THAP4: variants seen among roughly 807,000 people sequenced by gnomAD.
The protein encoded by THAP4 is THAP domain containing 4.
A neutral mutation model predicts 48.1 loss-of-function variants in THAP4; 18 were observed. The ratio of observed to expected loss-of-function variants is 0.37; its 90% CI spans 0.26 to 0.56. THAP4 has a LOEUF of 0.56. Among genes scored for constraint, THAP4 ranks in the 20% least tolerant of loss-of-function variants. The pLI is 0.78. For missense variants in THAP4, 656 were observed against 774.9 expected, an observed-to-expected ratio of 0.85 and a Z score of 1.82; for synonymous variants, 345 against 324.9, an observed-to-expected ratio of 1.06 and a Z score of -0.66.
rs986642356 is a variant in THAP4 at position 241,634,631 on chromosome 2, C to T, written c.78-552G>A. Among the ~76,000 whole-genome samples, 4 of 152,254 alleles carry T rather than the reference C, an allele frequency of 2.6e-5. No individual in the cohort carries two copies. In the East Asian group the frequency reaches 7.7e-4, roughly 29 times the overall value. ...TTCTGTGTTCCTGTTGCATGCCCAC[C>T]TCCAGGAGTAAAAATGCTCCTTTTA... On this transcript the variant is annotated intron_variant, in intron 1 of 5. Transcript: ENST00000407315.
chr2:241,620,067 T>A (rs1402586651), intron 2 of THAP4, among the ~76,000 whole-genome samples: 1 of 36,126 alleles, frequency 2.8e-5, no homozygotes, highest in Non-Finnish European at 5.1e-5. Context: ...GAGTGAGGGG[T>A]GAGTGAGTCG....
In THAP4 at chr2:241,612,912, C is replaced by T. The variant is rs183169715; in HGVS notation, c.1241-6439G>A. 5.3e-5 allele frequency among the ~76,000 whole-genome samples: 8 copies of T among 152,316 alleles called. No homozygotes were observed. The East Asian group carries it at 1.5e-3, about 29-fold the overall frequency. The stretch of plus-strand genomic sequence containing the variant: ...ACGTGCAGTGAGTGCGAGCTACAAA[C>T]TAGATTCCGAAAACTCAGTCCAAAA... On this transcript the variant is annotated intron_variant, in intron 2 of 5. Transcript: ENST00000407315. This position sits in a 1 kb window ranked among gnomAD's most constrained non-coding sequence, Gnocchi z 4.1.
chr2:241,631,893 C>A, intron 2 of THAP4, among the ~76,000 whole-genome samples: 1 of 141,590 alleles, frequency 7.1e-6, no homozygotes, highest in South Asian at 2.3e-4. Flanking sequence ...TATTGTATTT[C>A]TTTTTTTTTT....
intron 5 of THAP4, among the ~76,000 whole-genome samples, chr2:241,585,903 A>T (rs1254563532): frequency 7.5e-6 from 1 of 133,388 alleles, no homozygotes; most frequent in Non-Finnish European, 1.6e-5. Flanking sequence ...ACAGAGCAAG[A>T]CTCCTTCTCA....
intron 5 of THAP4, among the ~76,000 whole-genome samples, chr2:241,595,972 G>A (rs2067041779): frequency 6.6e-6 from 1 of 152,182 alleles, no homozygotes; most frequent in Non-Finnish European, 1.5e-5. Context: ...CGCGTCCCGT[G>A]GGCTGCACGT....
At chr2:241,609,515 G>A (rs1006230346) in intron 2 of THAP4, among the ~76,000 whole-genome samples, 1 of 152,230 alleles carries the variant, frequency 6.6e-6, no homozygotes, top group African/African-American at 2.4e-5. Context: ...CGGGCGCAAT[G>A]GCTCACTGAA....
At chr2:241,614,428 T>C (rs2067313808) in intron 2 of THAP4, among the ~76,000 whole-genome samples, 1 of 152,156 alleles carries the variant, frequency 6.6e-6, no homozygotes, top group Non-Finnish European at 1.5e-5. Context: ...GCAACATCTA[T>C]AAAGCAGAAA....
At chr2:241,585,899 C>G (rs1044972546) in intron 5 of THAP4, among the ~76,000 whole-genome samples, 1 of 82,842 alleles carries the variant, frequency 1.2e-5, no homozygotes, top group African/African-American at 4.8e-5. Flanking sequence ...GGTGACAGAG[C>G]AAGACTCCTT....
At chr2:241,606,147 T>G (rs1221117114) in intron 3 of THAP4, among the ~76,000 whole-genome samples, 167 bp downstream of exon 3, 1 of 152,252 alleles carries the variant, frequency 6.6e-6, no homozygotes, top group Non-Finnish European at 1.5e-5. Context: ...TTTACCACTC[T>G]GTGTCTCAGT....
At chr2:241,589,058 A>G (rs907054272) in intron 5 of THAP4, among the ~76,000 whole-genome samples, 1 of 152,064 alleles carries the variant, frequency 6.6e-6, no homozygotes, top group Non-Finnish European at 1.5e-5. Flanking sequence ...CTAAAAATAC[A>G]AAAAATTAGC....
chr2:241,623,451 G>C (rs34396739), intron 2 of THAP4, among the ~76,000 whole-genome samples: 22,289 of 151,796 alleles, frequency 0.15, 1,749 homozygotes, highest in East Asian at 0.16. Context: ...ATGGTGGCAC[G>C]CATCTGTAGT....
At position 241,604,689 on chromosome 2, in the gene THAP4, C is replaced by T. The variant is rs1283275699; in HGVS notation, c.1401-1610G>A. Among the ~76,000 whole-genome samples, 6 of 152,218 alleles carry T rather than the reference C, an allele frequency of 3.9e-5. No homozygotes were observed. The South Asian group carries it at 8.3e-4, about 21-fold the overall frequency. ...CCTCCCAAAGTGCTGGGATTACAGG[C>T]GTCAGCCACCGCACCTGGCCAAGAT... On this transcript the variant is annotated intron_variant, in intron 3 of 5. Coordinates refer to ENST00000407315, the MANE Select transcript of THAP4 (RefSeq NM_015963.6).
intron 2 of THAP4, among the ~76,000 whole-genome samples, chr2:241,609,782 C>CAAAA (rs34765458): frequency 7.0e-6 from 1 of 143,304 alleles, no homozygotes; most frequent in Non-Finnish European, 1.5e-5. Context: ...GACGTTTTCT[C>CAAAA]AAAAAAAAAA....
At position 241,603,033 on chromosome 2, in the gene THAP4, A is replaced by G; in HGVS notation, c.1447T>C (p.Cys483Arg). The G allele has an allele frequency of 6.2e-7, 1 of 1,614,074 alleles. No homozygotes were observed. The highest frequency in any genetic ancestry group is 8.5e-7 in the Non-Finnish European group (1 of 1,179,964). Reference protein sequence around the residue: ...PDTRKPMHRECGFIRLKPDTN... With the variant: ...PDTRKPMHRERGFIRLKPDTN... ...TCGGGCTTGAGGCGAATGAAGCCACACTCTCTGTGCATCGGCTTGCGCGTG... is the reference window on the plus strand; with the variant it reads ...TCGGGCTTGAGGCGAATGAAGCCACGCTCTCTGTGCATCGGCTTGCGCGTG... Residue 483 changes from cysteine (C) to arginine (R), a missense_variant, in exon 4 of 6, where the codon TGT (cysteine) becomes CGT (arginine). By Grantham distance (180) the Cys-to-Arg change is radical. This residue lies in a region of THAP4 where 176 missense variants were observed against 256.7 expected (regional missense o/e 0.69). Coordinates refer to ENST00000407315, the MANE Select transcript of THAP4 (RefSeq NM_015963.6).
chr2:241,593,229 T>C (rs2067007686), intron 5 of THAP4, among the ~76,000 whole-genome samples: 1 of 151,912 alleles, frequency 6.6e-6, no homozygotes, highest in African/African-American at 2.4e-5. Flanking sequence ...TGGGCGACAG[T>C]GCAAGGCTCT....
At position 241,584,438 on chromosome 2, in the gene THAP4, G is replaced by C. The variant is rs542173214; in HGVS notation, c.*168C>G. The C allele has an allele frequency of 1.5e-6, 1 of 650,306 alleles. No homozygotes were observed. The highest frequency in any genetic ancestry group is 1.8e-5 in the African/African-American group (1 of 55,064). 40.3% of individuals were successfully genotyped at this position (650,306 alleles called of 1,614,324 possible). A position where few individuals can be genotyped will look rare whatever the true frequency, so the allele number is the denominator to read the frequency against. ...AAAATCCTCAGCCATAAAAATAAAG[G>C]CCTTTTATTTGGTTTTTCTATGCCA... is the stretch of plus-strand genomic sequence containing the variant. On this transcript the variant is annotated 3_prime_UTR_variant, in exon 6 of 6. Transcript: ENST00000407315.
chr2:241,631,783 TAAC>T (rs1052723463), intron 2 of THAP4, among the ~76,000 whole-genome samples: 1 of 152,212 alleles, frequency 6.6e-6, no homozygotes, highest in Non-Finnish European at 1.5e-5. Context: ...AAATTTTTAA[TAAC>T]AACAAGGAAT....
intron 2 of THAP4, among the ~76,000 whole-genome samples, chr2:241,629,336 T>C: frequency 6.6e-6 from 1 of 151,694 alleles, no homozygotes; most frequent in South Asian, 2.1e-4. Flanking sequence ...CCGGATGTGG[T>C]GGTATGTGCC....
At position 241,616,114 on chromosome 2, in the gene THAP4, G is replaced by A. The variant is rs564668590; in HGVS notation, c.1241-9641C>T. On this transcript the variant is annotated intron_variant, in intron 2 of 5. Coordinates refer to ENST00000407315, the MANE Select transcript of THAP4 (RefSeq NM_015963.6). This position sits in a 1 kb window ranked among gnomAD's most constrained non-coding sequence, Gnocchi z 4.6. ...CTCCTCAGAAGAACTGGGCTTATCT[G>A]AAGTCTGGTCAAGTTGAACTGGACC... 6.6e-6 allele frequency among the ~76,000 whole-genome samples: 1 copy of A among 152,364 alleles called. No individual in the cohort carries two copies. The highest frequency in any genetic ancestry group is 2.4e-5 in the African/African-American group (1 of 41,594).
Sources: gnomAD v4.1 joint callset for allele counts (sites outside exome capture counted in the v4.1 genomes callset) on GRCh38, gnomAD v4.1.1 for gene constraint, gnomAD v4.1.1 regional missense constraint, Gnocchi (gnomAD v3.1) non-coding constraint, MANE v1.5 for transcripts, NCBI Gene and HGNC (gene_info 2026-07-23, HGNC 2026-07-21) for gene names.